Variants in FBXL7 observed in about 807,000 individuals in gnomAD.
FBXL7 encodes F-box and leucine rich repeat protein 7.
Under a neutral mutation model 38.3 loss-of-function variants are expected in FBXL7, and 12 were observed. The ratio of observed to expected loss-of-function variants is 0.31; its 90% confidence interval spans 0.20 to 0.51. FBXL7 has a LOEUF of 0.51. FBXL7 is among the 20% of genes least tolerant of loss of function. The pLI, the probability that FBXL7 is intolerant of heterozygous loss-of-function variation, is 0.98. For synonymous variants in FBXL7, 297 were observed against 300.9 expected (o/e 0.99, Z 0.13); for missense variants, 567 against 676.4 (o/e 0.84, Z 1.79).
intron 1 of FBXL7, among the ~76,000 whole-genome samples, chr5:15,598,474 C>T (rs1739690100): frequency 1.3e-5 from 2 of 152,122 alleles, no homozygotes; most frequent in Admixed American, 6.5e-5. Flanking sequence ...GCAGTTCCAA[C>T]GTTTACCACC....
intron 2 of FBXL7, among the ~76,000 whole-genome samples, chr5:15,730,630 T>G (rs892618688): frequency 6.6e-5 from 10 of 152,208 alleles, no homozygotes; most frequent in African/African-American, 2.2e-4. Flanking sequence ...TTGGTTTGGT[T>G]TTAGGAATAT....
chr5:15,832,716 C>A (rs933300225), intron 2 of FBXL7, among the ~76,000 whole-genome samples: 1 of 152,196 alleles, frequency 6.6e-6, no homozygotes, highest in African/African-American at 2.4e-5. Flanking sequence ...CAGAGGGCTT[C>A]ATTCTGCAGG....
At chr5:15,923,330 T>C (rs1378832331) in intron 2 of FBXL7, among the ~76,000 whole-genome samples, 1 of 152,216 alleles carries the variant, frequency 6.6e-6, no homozygotes, top group African/African-American at 2.4e-5. Context: ...ACTTAGGAGA[T>C]AGAAATGGTC....
chr5:15,830,638 G>T (rs1161344733), intron 2 of FBXL7, among the ~76,000 whole-genome samples: 1 of 152,152 alleles, frequency 6.6e-6, no homozygotes, highest in African/African-American at 2.4e-5. Context: ...GGCGCCACCA[G>T]ACTGGGGCCC....
intron 1 of FBXL7, among the ~76,000 whole-genome samples, chr5:15,512,581 T>G (rs188934582): frequency 2.6e-5 from 4 of 152,234 alleles, no homozygotes; most frequent in Non-Finnish European, 5.9e-5. Flanking sequence ...TCTGGACATA[T>G]GTCTTTTTCT....
intron 2 of FBXL7, among the ~76,000 whole-genome samples, chr5:15,832,324 A>G (rs1162778833): frequency 6.6e-6 from 1 of 152,180 alleles, no homozygotes; most frequent in Non-Finnish European, 1.5e-5. Flanking sequence ...ATTTTGTTAC[A>G]TCTGTTTAAA....
At chr5:15,729,745 A>G (rs1003301061) in intron 2 of FBXL7, among the ~76,000 whole-genome samples, 1 of 152,108 alleles carries the variant, frequency 6.6e-6, no homozygotes, top group African/African-American at 2.4e-5. Flanking sequence ...AGTAATGATA[A>G]TTTTCATCAT....
rs1201157692 is a variant in FBXL7, at chr5:15,935,812, CATT to C, written c.740-635_740-633del. On this transcript the variant is annotated intron_variant, in intron 3 of 3. Coordinates refer to ENST00000504595, the MANE Select transcript of FBXL7 (RefSeq NM_012304.5). ...CATATCTGTTCTCTCATTGCATCCT[CATT>C]ATATCTGAAGTGTCGGCTCACCACC... is the stretch of plus-strand genomic sequence containing the variant. 6.6e-5 allele frequency among the ~76,000 whole-genome samples: 10 copies of C among 152,230 alleles called. No homozygotes were observed. The South Asian group carries it at 2.1e-3, about 31-fold the overall frequency.
chr5:15,912,794 A>G, intron 2 of FBXL7, among the ~76,000 whole-genome samples: 1 of 152,080 alleles, frequency 6.6e-6, no homozygotes, highest in East Asian at 1.9e-4. Context: ...GTGCTATTTA[A>G]TATTGGGTCC....
chr5:15,718,870 G>A (rs1023269776), intron 2 of FBXL7, among the ~76,000 whole-genome samples: 1 of 152,218 alleles, frequency 6.6e-6, no homozygotes, highest in African/African-American at 2.4e-5. Context: ...TTTAAGTGGT[G>A]CCAAAACCCC....
intron 2 of FBXL7, among the ~76,000 whole-genome samples, chr5:15,666,811 C>G (rs930760875): frequency 1.3e-5 from 2 of 152,126 alleles, no homozygotes; most frequent in Non-Finnish European, 2.9e-5. Flanking sequence ...AATGGTGGCT[C>G]ATCTGCATTG....
intron 2 of FBXL7, among the ~76,000 whole-genome samples, chr5:15,692,621 A>G (rs1316465453): frequency 6.6e-6 from 1 of 152,154 alleles, no homozygotes; most frequent in Non-Finnish European, 1.5e-5. Context: ...AGAAGTGGGG[A>G]CTTCATCCAG....
chr5:15,640,347 A>G (rs1285854678), intron 2 of FBXL7, among the ~76,000 whole-genome samples: 2 of 152,050 alleles, frequency 1.3e-5, no homozygotes, highest in Non-Finnish European at 2.9e-5. Flanking sequence ...CCTTCATCAC[A>G]TGGCATTCTC....
At chr5:15,885,079 C>A (rs1246037865) in intron 2 of FBXL7, among the ~76,000 whole-genome samples, 4 of 152,186 alleles carry the variant, frequency 2.6e-5, no homozygotes, top group Non-Finnish European at 5.9e-5. Flanking sequence ...AGGCAGCAGT[C>A]AAGGTGTTGT....
rs116149373 is a variant in FBXL7, at chr5:15,677,262, G to A, written c.127+61190G>A. ...AGGCGGGCAGATCTCTTGAGGACAG[G>A]AGTTAGAGACCAGTCGGGTTAACAT... On this transcript the variant is annotated intron_variant, in intron 2 of 3. Coordinates refer to ENST00000504595, the MANE Select transcript of FBXL7 (RefSeq NM_012304.5). Among the ~76,000 whole-genome samples the A allele has an allele frequency of 5.6e-4, 85 of 152,308 alleles. 1 individual carries two copies. Among genetic ancestry groups the A allele is most frequent in the African/African-American group, 1.9e-3 (81 of 41,568 alleles).
At chr5:15,610,279 C>T (rs1349312419) in intron 1 of FBXL7, among the ~76,000 whole-genome samples, 1 of 152,116 alleles carries the variant, frequency 6.6e-6, no homozygotes, top group East Asian at 1.9e-4. Context: ...AGAGGGAAAC[C>T]AAAGTGCAAT....
At chr5:15,686,024 A>G (rs1251698152) in intron 2 of FBXL7, among the ~76,000 whole-genome samples, 1 of 152,186 alleles carries the variant, frequency 6.6e-6, no homozygotes, top group Non-Finnish European at 1.5e-5. Context: ...CCCTTTTGCC[A>G]TAGAGCAGCA....
At chr5:15,826,781 A>G (rs257759) in intron 2 of FBXL7, among the ~76,000 whole-genome samples, 86,260 of 151,992 alleles carry the variant, frequency 0.57, 25,047 homozygotes, top group Non-Finnish European at 0.64. Flanking sequence ...ACCTAGTCGT[A>G]TGCCTAGGCT....
In FBXL7 at chr5:15,936,136, A is replaced by G. The variant is rs1742176672; in HGVS notation, c.740-314A>G. On this transcript the variant is annotated intron_variant, in intron 3 of 3. Coordinates refer to ENST00000504595, the MANE Select transcript of FBXL7 (RefSeq NM_012304.5). This position sits in a 1 kb window ranked among gnomAD's most constrained non-coding sequence, Gnocchi z 6.0. The stretch of plus-strand genomic sequence containing the variant: ...AATGGGATCCTCCCTATTTTAAGAC[A>G]AAGGAAATACTCAGAAGGATTGATT... 6.6e-6 allele frequency among the ~76,000 whole-genome samples: 1 copy of G among 152,210 alleles called. No homozygotes were observed. Among genetic ancestry groups the G allele is most frequent in the East Asian group, 1.9e-4 (1 of 5,196 alleles).
Sources: allele counts gnomAD v4.1 joint callset (sites outside exome capture counted in the v4.1 genomes callset), GRCh38; gene constraint gnomAD v4.1.1; non-coding constraint Gnocchi (gnomAD v3.1); transcripts MANE v1.5; gene names NCBI Gene and HGNC (gene_info 2026-07-23, HGNC 2026-07-21).